TBX15: variants seen among roughly 807,000 people sequenced by gnomAD.
TBX15 encodes T-box transcription factor TBX15.
Under a neutral mutation model 53.9 loss-of-function variants are expected in TBX15, and 18 were observed. The ratio of observed to expected loss-of-function variants is 0.33; its 90% CI spans 0.23 to 0.49. The LOEUF is 0.49. TBX15 is among the 20% of genes least tolerant of loss of function. The pLI, the probability that TBX15 is intolerant of heterozygous loss-of-function variation, is 0.98. For missense variants in TBX15, 692 were observed against 749.5 expected (o/e 0.92, Z 0.90); for synonymous variants, 295 against 278.0 (o/e 1.06, Z -0.61).
At chr1:118,893,367 A>G (rs1301081002) in intron 7 of TBX15, among the ~76,000 whole-genome samples, 1 of 85,978 alleles carries the variant, frequency 1.2e-5, no homozygotes, top group African/African-American at 4.5e-5. Context: ...GAAAGAAAGA[A>G]AGAAAGAAAG....
intron 5 of TBX15, among the ~76,000 whole-genome samples, chr1:118,918,594 T>C (rs1655324672): frequency 6.6e-6 from 1 of 152,150 alleles, no homozygotes; most frequent in South Asian, 2.1e-4. Flanking sequence ...ACAGGGAAAA[T>C]ACAGAGGTTG....
intron 1 of TBX15, among the ~76,000 whole-genome samples, chr1:118,942,332 C>T (rs1338938545): frequency 6.6e-6 from 1 of 152,194 alleles, no homozygotes; most frequent in East Asian, 1.9e-4. Flanking sequence ...CAGTGTCTGG[C>T]ACCTATTATG....
chr1:118,897,242 T>C (rs373395271), intron 7 of TBX15, among the ~76,000 whole-genome samples: 12 of 152,248 alleles, frequency 7.9e-5, no homozygotes, highest in South Asian at 4.2e-4. Flanking sequence ...TATTAGGTGG[T>C]TGTGCTCCAA....
chr1:118,911,298 C>G (rs1218044547), intron 6 of TBX15, among the ~76,000 whole-genome samples: 3 of 152,184 alleles, frequency 2.0e-5, no homozygotes, highest in Non-Finnish European at 4.4e-5. Context: ...TCTGATAGTA[C>G]TTAAAGTAGC....
At chr1:118,932,468 A>T (rs975256293) in intron 1 of TBX15, among the ~76,000 whole-genome samples, 2 of 152,210 alleles carry the variant, frequency 1.3e-5, no homozygotes, top group Non-Finnish European at 1.5e-5. Flanking sequence ...ATGGGAAAAA[A>T]ACCTCTGTTG....
chr1:118,957,920 C>T (rs1014636769), intron 1 of TBX15, among the ~76,000 whole-genome samples: 24 of 152,096 alleles, frequency 1.6e-4, no homozygotes, highest in Non-Finnish European at 2.6e-4. Flanking sequence ...TGAATAGTGC[C>T]GCAATAAACA....
At chr1:118,970,196 A>G (rs1374850950) in intron 1 of TBX15, among the ~76,000 whole-genome samples, 1 of 152,138 alleles carries the variant, frequency 6.6e-6, no homozygotes, top group African/African-American at 2.4e-5. Context: ...TTCATAAATT[A>G]CCCAGTCTCA....
intron 1 of TBX15, among the ~76,000 whole-genome samples, chr1:118,948,023 G>C (rs1283953992): frequency 6.6e-6 from 1 of 152,070 alleles, no homozygotes; most frequent in Non-Finnish European, 1.5e-5. Flanking sequence ...TGGTGGTAGG[G>C]AACTAGCAGC....
intron 7 of TBX15, among the ~76,000 whole-genome samples, chr1:118,886,892 G>T (rs1320937814): frequency 6.6e-6 from 1 of 152,168 alleles, no homozygotes; most frequent in Non-Finnish European, 1.5e-5. Context: ...TGAACGAGTT[G>T]ATCTTATGAT....
In TBX15 at chr1:118,885,209, T is replaced by C. The variant is rs772026219; in HGVS notation, c.1332A>G (p.Pro444=). ...GAGTTGGTATTCCTGAGATCAGGGA[T>C]GGAGTCCTCTGAGGCATGAAGGTTT... ...PSETFMPQRT[P]SLISGIPTPP... is the part of the protein sequence containing the mutation. The change falls in exon 8 of 8, where the codon CCA becomes CCG. Residue 444 remains proline (P), a synonymous_variant. Coordinates refer to ENST00000369429, the MANE Select transcript of TBX15 (RefSeq NM_001330677.2). 2.4e-5 allele frequency: 39 copies of C among 1,614,138 alleles called. No homozygotes were observed. In the East Asian group the frequency reaches 7.4e-4, roughly 30 times the overall value.
chr1:118,942,456 T>G (rs987437267), intron 1 of TBX15, among the ~76,000 whole-genome samples: 2 of 152,256 alleles, frequency 1.3e-5, no homozygotes, highest in Non-Finnish European at 2.9e-5. Flanking sequence ...TGGAGCCAGA[T>G]GAAGAATCTT....
At chr1:118,961,617 A>G (rs763104400) in intron 1 of TBX15, among the ~76,000 whole-genome samples, 6 of 152,192 alleles carry the variant, frequency 3.9e-5, no homozygotes, top group Non-Finnish European at 8.8e-5. Flanking sequence ...CTAGATCCCC[A>G]TATTTAAGTG....
At chr1:118,956,409 T>A (rs980350247) in intron 1 of TBX15, among the ~76,000 whole-genome samples, 1 of 152,192 alleles carries the variant, frequency 6.6e-6, no homozygotes, top group Admixed American at 6.5e-5. Context: ...GGTATTTATA[T>A]ATAAATGTTT....
chr1:118,906,379 CA>C (rs1163469428), intron 6 of TBX15, among the ~76,000 whole-genome samples: 6 of 152,266 alleles, frequency 3.9e-5, no homozygotes, highest in Non-Finnish European at 5.9e-5. Flanking sequence ...CAGATTTCAG[CA>C]AAAACAAACT....
chr1:118,931,536 A>G, intron 2 of TBX15, 83 bp downstream of exon 2: 2 of 1,479,466 alleles, frequency 1.4e-6, no homozygotes, highest in Non-Finnish European at 1.9e-6. Flanking sequence ...ATGCCATCAC[A>G]AATAAATAAG....
chr1:118,946,338 GAGGTTTAC>G (rs1656346863), intron 1 of TBX15, among the ~76,000 whole-genome samples: 1 of 152,110 alleles, frequency 6.6e-6, no homozygotes, highest in African/African-American at 2.4e-5. Context: ...ACAAGCTTTG[GAGGTTTAC>G]AAGTCACCTA....
At chr1:118,898,795 C>T (rs1291975563) in intron 7 of TBX15, among the ~76,000 whole-genome samples, 1 of 152,154 alleles carries the variant, frequency 6.6e-6, no homozygotes, top group Admixed American at 6.5e-5. Context: ...TATAACTGCA[C>T]TCTTAGGAAG....
At chr1:118,887,333 G>A (rs1314128574) in intron 7 of TBX15, among the ~76,000 whole-genome samples, 1 of 152,170 alleles carries the variant, frequency 6.6e-6, no homozygotes, top group African/African-American at 2.4e-5. Context: ...GGCACTTTAG[G>A]TATAAAAGAG....
At chr1:118,920,139 T>C (rs1655374854) in intron 5 of TBX15, among the ~76,000 whole-genome samples, 1 of 152,162 alleles carries the variant, frequency 6.6e-6, no homozygotes, top group Non-Finnish European at 1.5e-5. Context: ...AACTCCCAAC[T>C]TCGTGTTTTC....
Sources: allele counts gnomAD v4.1 joint callset (sites outside exome capture counted in the v4.1 genomes callset), GRCh38; gene constraint gnomAD v4.1.1; transcripts MANE v1.5; gene names NCBI Gene and HGNC (gene_info 2026-07-23, HGNC 2026-07-21).